Variants in LIMK2 observed in about 807,000 individuals in gnomAD.
LIMK2 encodes the protein LIM domain kinase 2.
In LIMK2, 35 loss-of-function variants were observed where a neutral mutation model predicts 75.7. The ratio of observed to expected loss-of-function variants is 0.46; its 90% CI spans 0.35 to 0.61. The LOEUF is 0.61. Among genes scored for constraint, LIMK2 ranks in the 20% least tolerant of loss-of-function variants. LIMK2 has a pLI of 0.00. For missense variants in LIMK2, 623 were observed against 831.0 expected (o/e 0.75, Z 3.08); for synonymous variants, 301 against 319.2 (o/e 0.94, Z 0.61).
intron 1 of LIMK2, among the ~76,000 whole-genome samples, chr22:31,223,887 G>A (rs1023460664): frequency 1.1e-4 from 16 of 152,186 alleles, no homozygotes; most frequent in Non-Finnish European, 2.1e-4. Flanking sequence ...AAGGCCTCTT[G>A]CCAGCTTGTT....
chr22:31,256,153 C>T (rs1302917885), intron 2 of LIMK2, among the ~76,000 whole-genome samples: 1 of 150,734 alleles, frequency 6.6e-6, no homozygotes, highest in African/African-American at 2.4e-5. Context: ...TGCACGCCAC[C>T]ACGCCCGGCT....
At position 31,271,321 on chromosome 22, in the gene LIMK2, A is replaced by G. The variant is rs1246604818; in HGVS notation, c.1383+120A>G. The G allele has an allele frequency of 3.3e-5, 27 of 810,350 alleles. No homozygotes were observed. The East Asian group carries it at 6.2e-4, about 19-fold the overall frequency. 50.2% of individuals were successfully genotyped at this position (810,350 alleles called of 1,614,324 possible). On this transcript the variant is annotated intron_variant, in intron 12 of 15. Transcript: ENST00000331728. ...GCAGAGGTGTTGCCTAGGAGCTCCTATCTTTCCCTTCCTGCTTCTTCCAAT... is the reference window on the plus strand; with the variant it reads ...GCAGAGGTGTTGCCTAGGAGCTCCTGTCTTTCCCTTCCTGCTTCTTCCAAT...
Position 31,260,089 on chromosome 22 carries a change from G to T in LIMK2, c.551+12G>T. 6.4e-7 allele frequency: 1 copy of T among 1,553,652 alleles called. No homozygotes were observed. The highest frequency in any genetic ancestry group is 1.2e-5 in the South Asian group (1 of 83,008). ...GTGCAAGTGAAAGAGTAAGTATTTT[G>T]AGAACCCTTCAGCAGGGGTTCTTGA... On this transcript the variant is annotated intron_variant, in intron 5 of 15. Transcript: ENST00000331728.
intron 2 of LIMK2, among the ~76,000 whole-genome samples, chr22:31,228,069 A>T (rs1360061931): frequency 6.6e-6 from 1 of 151,984 alleles, no homozygotes; most frequent in Non-Finnish European, 1.5e-5. Context: ...ACAGAAAGAT[A>T]ACATATGTAC....
chr22:31,260,380 A>G (rs530733824), intron 5 of LIMK2, among the ~76,000 whole-genome samples: 5 of 152,338 alleles, frequency 3.3e-5, no homozygotes, highest in South Asian at 4.1e-4. Context: ...TTTATCTTCT[A>G]TCCCCTCCAC....
At chr22:31,220,001 C>A (rs2048420807) in intron 1 of LIMK2, among the ~76,000 whole-genome samples, 1 of 152,222 alleles carries the variant, frequency 6.6e-6, no homozygotes, top group South Asian at 2.1e-4. Context: ...ACTTCCCAGG[C>A]TGACTGGACT....
intron 1 of LIMK2, among the ~76,000 whole-genome samples, chr22:31,223,735 C>T (rs1400825725): frequency 6.6e-6 from 1 of 152,122 alleles, no homozygotes. Context: ...ACTCTGTGAC[C>T]ACTGTCACCC....
chr22:31,271,162 C>A lies in LIMK2; in HGVS notation c.1344C>A (p.Ile448=). 6.2e-7 allele frequency: 1 copy of A among 1,614,092 alleles called. No individual in the cohort carries two copies. The highest frequency in any genetic ancestry group is 2.2e-5 in the East Asian group (1 of 44,878). Residue 448 remains isoleucine, a synonymous_variant, in exon 12 of 16, where the codon ATC becomes ATA. Transcript: ENST00000331728. The stretch of plus-strand genomic sequence containing the variant: ...CCTATTTGCACTCTATGTGCATCAT[C>A]CACCGGGATCTGAACTCGCACAACT... ...GMAYLHSMCI[I]HRDLNSHNCL... is the part of the protein sequence containing the mutation.
Position 31,278,611 on chromosome 22 carries a change from G to C in LIMK2, c.*170G>C. 1 of 545,400 alleles carries C rather than the reference G, an allele frequency of 1.8e-6. No homozygotes were observed. The allele number at this position is 545,400 out of a possible 1,614,324, so 33.8% of individuals were successfully genotyped here. On this transcript the variant is annotated 3_prime_UTR_variant, in exon 16 of 16. Transcript: ENST00000331728. ...CAGGAGGCAAGTGGGCGCAGCACCA[G>C]GGAAATGTATCTCCACAGGTTCTGG...
chr22:31,271,673 A>G (rs953662508), intron 12 of LIMK2, among the ~76,000 whole-genome samples: 2 of 151,966 alleles, frequency 1.3e-5, no homozygotes, highest in African/African-American at 4.8e-5. Flanking sequence ...CTGACTTGCT[A>G]TCTGGCTTCC....
At chr22:31,254,877 T>G (rs2048761838) in intron 2 of LIMK2, among the ~76,000 whole-genome samples, 1 of 151,660 alleles carries the variant, frequency 6.6e-6, no homozygotes, top group African/African-American at 2.4e-5. Context: ...GAAAATCACT[T>G]GAACTCGGGA....
intron 12 of LIMK2, among the ~76,000 whole-genome samples, chr22:31,272,101 C>A (rs1427309141): frequency 2.6e-5 from 4 of 152,100 alleles, no homozygotes; most frequent in Non-Finnish European, 4.4e-5. Context: ...CATTCTGTTT[C>A]CCAGGCTGGA....
intron 15 of LIMK2, among the ~76,000 whole-genome samples, chr22:31,277,849 A>G (rs2049047985): frequency 6.6e-6 from 1 of 152,162 alleles, no homozygotes; most frequent in South Asian, 2.1e-4. Flanking sequence ...TGTTCAGGGT[A>G]CCAGTTGCAA....
chr22:31,278,232 C>T, intron 15 of LIMK2, 65 bp from the exon 16 acceptor site: 3 of 1,460,580 alleles, frequency 2.1e-6, no homozygotes, highest in East Asian at 2.3e-5. Context: ...GCCTAGATCC[C>T]TTCCACCCAC....
intron 5 of LIMK2, among the ~76,000 whole-genome samples, chr22:31,261,498 A>C (rs2048838451): frequency 6.6e-6 from 1 of 150,516 alleles, no homozygotes; most frequent in Admixed American, 6.6e-5. Flanking sequence ...GTGAGCAGAG[A>C]TCACGCCACT....
At chr22:31,218,138 A>G (rs1318576078) in intron 1 of LIMK2, among the ~76,000 whole-genome samples, 1 of 152,202 alleles carries the variant, frequency 6.6e-6, no homozygotes, top group East Asian at 1.9e-4. Context: ...CATGGGAGAT[A>G]TTTTCACATC....
Position 31,262,924 on chromosome 22 carries a change from C to T in LIMK2, c.854+133C>T. 1.2e-6 allele frequency: 1 copy of T among 808,338 alleles called. No individual in the cohort carries two copies. The highest frequency in any genetic ancestry group is 1.9e-6 in the Non-Finnish European group (1 of 534,726). 50.1% of individuals were successfully genotyped at this position (808,338 alleles called of 1,614,324 possible). ...GACAGACTATGAGGATTGTGCTGACCCAGCTGCCCCTGTGGGGATCACAGT... is the reference window on the plus strand; with the variant it reads ...GACAGACTATGAGGATTGTGCTGACTCAGCTGCCCCTGTGGGGATCACAGT... On this transcript the variant is annotated intron_variant, in intron 7 of 15. Coordinates refer to ENST00000331728, the MANE Select transcript of LIMK2 (RefSeq NM_005569.4). The surrounding 1 kb of genome is among the most constrained non-coding windows in gnomAD (Gnocchi z 5.0).
chr22:31,272,059 T>TTTTGC (rs1486066599), intron 12 of LIMK2, among the ~76,000 whole-genome samples: 20 of 151,748 alleles, frequency 1.3e-4, no homozygotes, highest in Non-Finnish European at 2.4e-4. Context: ...TGTTTTTTTG[T>TTTTGC]TTTGTTTTGT....
chr22:31,256,624 G>A (rs2048785261), intron 2 of LIMK2, among the ~76,000 whole-genome samples: 1 of 152,144 alleles, frequency 6.6e-6, no homozygotes, highest in South Asian at 2.1e-4. Flanking sequence ...ATAAGCATAA[G>A]CCACTGTGCC....
Sources: allele counts gnomAD v4.1 joint callset (sites outside exome capture counted in the v4.1 genomes callset), GRCh38; gene constraint gnomAD v4.1.1; non-coding constraint Gnocchi (gnomAD v3.1); transcripts MANE v1.5; gene names NCBI Gene and HGNC (gene_info 2026-07-23, HGNC 2026-07-21).